DOCK1: variants seen among roughly 807,000 people sequenced by gnomAD.
DOCK1 encodes the protein dedicator of cytokinesis 1.
DOCK1 carries 138 observed loss-of-function variants against 262.7 expected under a neutral mutation model. That is an observed-to-expected ratio of 0.53 (90% confidence interval 0.46 to 0.61). The LOEUF (loss-of-function observed/expected upper bound fraction) is 0.61, where lower values mean the gene tolerates loss of function less well. DOCK1 is among the 20% of genes least tolerant of loss of function. The pLI is 0.00. For synonymous variants in DOCK1, 866 were observed against 867.4 expected, an observed-to-expected ratio of 1.00 and a Z score of 0.03; for missense variants, 1,908 against 2,370.7, an observed-to-expected ratio of 0.80 and a Z score of 4.05.
chr10:127,058,654 T>G (rs943481707), intron 22 of DOCK1, among the ~76,000 whole-genome samples: 2 of 151,148 alleles, frequency 1.3e-5, no homozygotes, highest in South Asian at 4.1e-4. Flanking sequence ...TTTAAACATA[T>G]TATTTGAATA....
chr10:127,410,774 C>A, intron 42 of DOCK1, 66 bp from the exon 43 acceptor site: 1 of 1,478,460 alleles, frequency 6.8e-7, no homozygotes, highest in South Asian at 1.2e-5. Context: ...GGCCAGACCC[C>A]GTGTCCAAAA....
chr10:127,104,329 C>T (rs1365332972), intron 23 of DOCK1, among the ~76,000 whole-genome samples: 1 of 152,182 alleles, frequency 6.6e-6, no homozygotes, highest in Non-Finnish European at 1.5e-5. Context: ...TGTATCATAT[C>T]TAAGAAATCT....
chr10:127,252,932 C>G (rs538695333), intron 28 of DOCK1, among the ~76,000 whole-genome samples: 1 of 152,140 alleles, frequency 6.6e-6, no homozygotes, highest in Non-Finnish European at 1.5e-5. Flanking sequence ...TTCAGGTTCT[C>G]AAATTTAGCC....
At position 127,023,643 on chromosome 10, in the gene DOCK1, T is replaced by G. The variant is rs774434899; in HGVS notation, c.1452+319T>G. 3.3e-5 allele frequency among the ~76,000 whole-genome samples: 5 copies of G among 151,302 alleles called. 1 individual carries two copies. Among genetic ancestry groups the G allele is most frequent in the Non-Finnish European group, 7.4e-5 (5 of 67,898 alleles). ...CCTGGCTAATTTTTATATTTTTTAG[T>G]AGAGATGGGGTTTCACCATGTTGAC... On this transcript the variant is annotated intron_variant, in intron 14 of 51. Transcript: ENST00000623213.
At chr10:127,121,455 A>G (rs9418662) in intron 25 of DOCK1, among the ~76,000 whole-genome samples, 367 of 148,366 alleles carry the variant, frequency 2.5e-3, no homozygotes, top group Middle Eastern at 3.4e-3. Context: ...GTATATGTAT[A>G]TGTGTGTGTG....
chr10:127,289,311 T>A (rs540043119), intron 29 of DOCK1, among the ~76,000 whole-genome samples: 1 of 152,192 alleles, frequency 6.6e-6, no homozygotes, highest in Admixed American at 6.5e-5. Flanking sequence ...TTTTTACCAC[T>A]GTGCAGATTC....
At chr10:127,132,323 C>A (rs554554225) in intron 27 of DOCK1, among the ~76,000 whole-genome samples, 3 of 152,226 alleles carry the variant, frequency 2.0e-5, no homozygotes, top group South Asian at 2.1e-4. Context: ...TAAGAAAAAA[C>A]CAAAACAACT....
intron 45 of DOCK1, among the ~76,000 whole-genome samples, chr10:127,419,116 T>A (rs1271151827): frequency 6.6e-6 from 1 of 152,174 alleles, no homozygotes; most frequent in Non-Finnish European, 1.5e-5. Flanking sequence ...GTGGCAGCAT[T>A]GAGTAGTTGT....
chr10:126,976,691 T>G (rs541014240), intron 2 of DOCK1, among the ~76,000 whole-genome samples: 6 of 152,250 alleles, frequency 3.9e-5, no homozygotes, highest in Admixed American at 3.9e-4. Flanking sequence ...TGTCACTCTC[T>G]GACAGGGTCC....
At chr10:127,283,083 A>G (rs2061020343) in intron 29 of DOCK1, among the ~76,000 whole-genome samples, 1 of 152,246 alleles carries the variant, frequency 6.6e-6, no homozygotes, top group African/African-American at 2.4e-5. Flanking sequence ...AAGGAGCGTT[A>G]CGTGGTCTGT....
chr10:127,357,976 C>T (rs1368369296), intron 32 of DOCK1, among the ~76,000 whole-genome samples: 1 of 151,382 alleles, frequency 6.6e-6, no homozygotes, highest in Non-Finnish European at 1.5e-5. Context: ...AGGATGTATA[C>T]AACCTACTTT....
At chr10:127,348,339 T>C (rs548074143) in intron 31 of DOCK1, among the ~76,000 whole-genome samples, 3 of 152,242 alleles carry the variant, frequency 2.0e-5, no homozygotes, top group East Asian at 3.9e-4. Flanking sequence ...GCAGGAAATA[T>C]GTCTAAAATG....
intron 27 of DOCK1, among the ~76,000 whole-genome samples, chr10:127,165,070 A>C (rs957761556): frequency 6.6e-6 from 1 of 152,246 alleles, no homozygotes; most frequent in African/African-American, 2.4e-5. Context: ...GAATGTGAGT[A>C]TACTGTATTA....
chr10:127,387,033 GGC>G (rs2066164356), intron 38 of DOCK1, among the ~76,000 whole-genome samples: 1 of 41,564 alleles, frequency 2.4e-5, no homozygotes, highest in Non-Finnish European at 4.8e-5. Flanking sequence ...CTACAGAATG[GGC>G]AGGGCAGGGC....
At chr10:127,107,315 A>G (rs1219204678) in intron 24 of DOCK1, among the ~76,000 whole-genome samples, 1 of 152,148 alleles carries the variant, frequency 6.6e-6, no homozygotes. Flanking sequence ...AAAAATGATT[A>G]TCCTTCCTGT....
At chr10:126,931,792 C>T (rs1054615242) in intron 1 of DOCK1, among the ~76,000 whole-genome samples, 2 of 152,184 alleles carry the variant, frequency 1.3e-5, no homozygotes, top group South Asian at 2.1e-4. Context: ...TGAGGATATG[C>T]GTGGCCCCTG....
chr10:127,305,465 C>T (rs1451071344), intron 29 of DOCK1, among the ~76,000 whole-genome samples: 1 of 152,096 alleles, frequency 6.6e-6, no homozygotes, highest in Non-Finnish European at 1.5e-5. Flanking sequence ...TCCTCGAGTG[C>T]CCAACACACA....
chr10:127,042,573 G>T (rs543390258), intron 19 of DOCK1, 52 bp from the exon 20 acceptor site: 8 of 1,491,150 alleles, frequency 5.4e-6, no homozygotes, highest in South Asian at 2.3e-5. Context: ...TCCAGTGTGT[G>T]GGGGAAGTCC....
intron 25 of DOCK1, among the ~76,000 whole-genome samples, chr10:127,112,882 T>C (rs566118263): frequency 6.6e-6 from 1 of 152,308 alleles, no homozygotes; most frequent in East Asian, 1.9e-4. Context: ...CCATTTACTG[T>C]CTTTGAGTTT....
Sources: allele counts gnomAD v4.1 joint callset (sites outside exome capture counted in the v4.1 genomes callset), GRCh38; gene constraint gnomAD v4.1.1; transcripts MANE v1.5; gene names NCBI Gene and HGNC (gene_info 2026-07-23, HGNC 2026-07-21).